Variants in GNAL observed in about 807,000 individuals in gnomAD.
GNAL encodes the protein guanine nucleotide-binding protein G(olf) subunit alpha.
In GNAL, 18 loss-of-function variants were observed where a neutral mutation model predicts 55.1. The ratio of observed to expected loss-of-function variants is 0.33; its 90% CI spans 0.23 to 0.48. The LOEUF is 0.48. Ranked by LOEUF, GNAL falls within the 20% of genes least tolerant of loss-of-function variation. The probability of loss-of-function intolerance (pLI) is 0.99; values close to 1 mark genes in which losing one functional copy is unlikely to be tolerated. For missense variants in GNAL, 412 were observed against 614.1 expected, an observed-to-expected ratio of 0.67 and a Z score of 3.48; for synonymous variants, 253 against 237.0, an observed-to-expected ratio of 1.07 and a Z score of -0.62.
intron 1 of GNAL, among the ~76,000 whole-genome samples, chr18:11,743,422 A>T (rs2032622311): frequency 2.0e-5 from 3 of 152,030 alleles, no homozygotes; most frequent in Admixed American, 6.6e-5. Context: ...GACTCACTTT[A>T]TACTAAAATA....
At chr18:11,860,310 G>A (rs1053988131) in intron 5 of GNAL, among the ~76,000 whole-genome samples, 6 of 152,204 alleles carry the variant, frequency 3.9e-5, no homozygotes, top group Non-Finnish European at 5.9e-5. Flanking sequence ...TCATCCCATG[G>A]CCATGCCTCA....
intron 1 of GNAL, among the ~76,000 whole-genome samples, chr18:11,750,043 G>A (rs145770812): frequency 1.3e-5 from 2 of 152,274 alleles, no homozygotes; most frequent in African/African-American, 4.8e-5. Context: ...GAAACCGTCC[G>A]GAGGCCTCTG....
chr18:11,757,627 G>A (rs2033102172), intron 4 of GNAL, among the ~76,000 whole-genome samples: 1 of 152,174 alleles, frequency 6.6e-6, no homozygotes, highest in Admixed American at 6.5e-5. Flanking sequence ...ATGACTCTGA[G>A]CGTTTGGGTC....
At chr18:11,741,302 G>T (rs1376780917) in intron 1 of GNAL, among the ~76,000 whole-genome samples, 2 of 152,196 alleles carry the variant, frequency 1.3e-5, no homozygotes, top group African/African-American at 4.8e-5. Context: ...GGACCAAATT[G>T]TGGGCAATAT....
Position 11,733,789 on chromosome 18 carries a change from A to G in GNAL, c.377-19064A>G, listed in dbSNP as rs145479847. On this transcript the variant is annotated intron_variant, in intron 1 of 11. Transcript: ENST00000334049. ...GGAGGGACGATTACTTACTGGGTAC[A>G]GTGTACGCTCTTCAAGTGATGCCTA... 1.3e-3 allele frequency among the ~76,000 whole-genome samples: 201 copies of G among 151,582 alleles called. 5 individuals carry two copies. The East Asian group carries it at 0.035, about 27-fold the overall frequency.
intron 11 of GNAL, among the ~76,000 whole-genome samples, chr18:11,878,375 T>C (rs1202140940): frequency 6.6e-6 from 1 of 152,082 alleles, no homozygotes; most frequent in South Asian, 2.1e-4. Flanking sequence ...CCCTTGAGCC[T>C]AGGAATTTGA....
At chr18:11,811,046 T>C (rs1363903681) in intron 4 of GNAL, among the ~76,000 whole-genome samples, 3 of 152,152 alleles carry the variant, frequency 2.0e-5, no homozygotes. Flanking sequence ...AGGTGTTCTG[T>C]AGATGTTTCT....
Position 11,722,240 on chromosome 18 carries a change from G to A in GNAL, c.377-30613G>A, listed in dbSNP as rs114727989. Among the ~76,000 whole-genome samples the A allele has an allele frequency of 5.0e-3, 762 of 152,254 alleles. 7 individuals carry two copies. Among genetic ancestry groups the A allele is most frequent in the African/African-American group, 0.017 (721 of 41,550 alleles). On this transcript the variant is annotated intron_variant, in intron 1 of 11. Transcript: ENST00000334049. Reference sequence around the variant, plus strand: ...ACATGATTTAATTAACTTACCACCAGCAAATGATTTTTCCTGCTTGGCTAA... The same window carrying A: ...ACATGATTTAATTAACTTACCACCAACAAATGATTTTTCCTGCTTGGCTAA...
At chr18:11,825,729 C>CAAAAAA (rs60460793) in intron 5 of GNAL, among the ~76,000 whole-genome samples, 40,287 of 76,214 alleles carry the variant, frequency 0.53, 11,363 homozygotes, top group Non-Finnish European at 0.64. Context: ...GACTCTGTCT[C>CAAAAAA]AAAAAAAAAA....
At chr18:11,738,932 G>A (rs1313974684) in intron 1 of GNAL, among the ~76,000 whole-genome samples, 1 of 152,152 alleles carries the variant, frequency 6.6e-6, no homozygotes, top group African/African-American at 2.4e-5. Flanking sequence ...TCAGTGCTGC[G>A]GAGGAGCCCA....
intron 5 of GNAL, among the ~76,000 whole-genome samples, chr18:11,844,616 T>C (rs1468118549): frequency 6.6e-6 from 1 of 151,936 alleles, no homozygotes; most frequent in African/African-American, 2.4e-5. Flanking sequence ...TACGAGTGAG[T>C]CAGCTGCACA....
Position 11,885,678 on chromosome 18 carries a change from T to G in GNAL, c.*4543T>G. On this transcript the variant is annotated 3_prime_UTR_variant, in exon 12 of 12. Coordinates refer to ENST00000334049, the MANE Select transcript of GNAL (RefSeq NM_182978.4). ...ACAAAAATAAACTTTCACGTTACCA[T>G]GATGAAACTGGGGTTGTTTCTGTTC... 6.2e-7 allele frequency: 1 copy of G among 1,612,058 alleles called. No homozygotes were observed. The highest frequency in any genetic ancestry group is 8.5e-7 in the Non-Finnish European group (1 of 1,178,580).
chr18:11,772,165 T>G (rs562011744), intron 4 of GNAL, among the ~76,000 whole-genome samples: 2 of 152,184 alleles, frequency 1.3e-5, no homozygotes, highest in African/African-American at 4.8e-5. Flanking sequence ...TTTTATGGTA[T>G]GAATACAGTA....
intron 4 of GNAL, among the ~76,000 whole-genome samples, chr18:11,797,668 G>T (rs1041040888): frequency 2.0e-5 from 3 of 152,030 alleles, no homozygotes; most frequent in African/African-American, 7.3e-5. Flanking sequence ...GCTGAGGTGG[G>T]AAGATTGCTG....
intron 1 of GNAL, among the ~76,000 whole-genome samples, chr18:11,690,625 A>G (rs1230607113): frequency 2.5e-4 from 27 of 110,122 alleles, no homozygotes; most frequent in South Asian, 3.4e-4. Context: ...CCACCCCACA[A>G]CAGTCCCCAG....
At chr18:11,865,717 T>G (rs2036248200) in intron 7 of GNAL, among the ~76,000 whole-genome samples, 1 of 145,158 alleles carries the variant, frequency 6.9e-6, no homozygotes, top group African/African-American at 2.8e-5. Context: ...ATTAGGCCAT[T>G]TCACTCCAGC....
At chr18:11,786,632 T>C (rs1289858087) in intron 4 of GNAL, among the ~76,000 whole-genome samples, 1 of 139,856 alleles carries the variant, frequency 7.2e-6, no homozygotes, top group Non-Finnish European at 1.5e-5. Flanking sequence ...TTTTTTTTTT[T>C]AGTGGAGACG....
Position 11,881,965 on chromosome 18 carries a change from T to C in GNAL, c.*830T>C, listed in dbSNP as rs2036704768. 2 of 152,648 alleles carry C rather than the reference T, an allele frequency of 1.3e-5. No individual in the cohort carries two copies. The allele number at this position is 152,648 out of a possible 1,614,324, so 9.5% of individuals were successfully genotyped here. On this transcript the variant is annotated 3_prime_UTR_variant, in exon 12 of 12. Transcript: ENST00000334049. This position sits in a 1 kb window ranked among gnomAD's most constrained non-coding sequence, Gnocchi z 4.8. Reference sequence around the variant, plus strand: ...CTGTACATGAAATGTGTTTGTATTGTGCTGAAGAGCTTAATGTCAACATTA... The same window carrying C: ...CTGTACATGAAATGTGTTTGTATTGCGCTGAAGAGCTTAATGTCAACATTA...
chr18:11,775,058 G>A (rs560903964), intron 4 of GNAL, among the ~76,000 whole-genome samples: 19 of 152,306 alleles, frequency 1.2e-4, no homozygotes, highest in East Asian at 7.7e-4. Context: ...AGCCCAGTGC[G>A]AGGCAGAGAG....
Sources: allele counts gnomAD v4.1 joint callset (sites outside exome capture counted in the v4.1 genomes callset), GRCh38; gene constraint gnomAD v4.1.1; non-coding constraint Gnocchi (gnomAD v3.1); transcripts MANE v1.5; gene names NCBI Gene and HGNC (gene_info 2026-07-23, HGNC 2026-07-21).